Variants in FRAS1 observed in about 807,000 individuals in gnomAD.
FRAS1 encodes Fraser extracellular matrix complex subunit 1, also known as extracellular matrix organizing protein FRAS1.
In FRAS1, 290 loss-of-function variants were observed where a neutral mutation model predicts 435.2. The ratio of observed to expected loss-of-function variants is 0.67; its 90% CI spans 0.61 to 0.73. The LOEUF is 0.73. FRAS1 is among the 30% of genes least tolerant of loss of function. The pLI is 0.00. For missense variants in FRAS1, 4,860 were observed against 5,001.5 expected (o/e 0.97, Z 0.85); for synonymous variants, 1,800 against 1,851.0 (o/e 0.97, Z 0.71).
rs762909923 is a variant in FRAS1 at position 78,065,081 on chromosome 4, T to TATATACACACACACAC, written c.77-901_77-900insTACACACACACACATA. Among the ~76,000 whole-genome samples, 189 of 125,688 alleles carry TATATACACACACACAC rather than the reference T, an allele frequency of 1.5e-3. 2 individuals are homozygous for TATATACACACACACAC. The East Asian group carries it at 0.038, about 25-fold the overall frequency. The allele number at this position is 125,688 out of a possible 152,430, so 82.5% of individuals were successfully genotyped here. A position where few individuals can be genotyped will look rare whatever the true frequency, so the allele number is the denominator to read the frequency against. ...GTGTATATATATATATATATATATA[T>TATATACACACACACAC]ATACATACACACACACACACTAAAT... On this transcript the variant is annotated intron_variant, in intron 1 of 73. Transcript: ENST00000512123.
intron 2 of FRAS1, among the ~76,000 whole-genome samples, chr4:78,206,208 G>C (rs1215960976): frequency 6.6e-6 from 1 of 152,032 alleles, no homozygotes; most frequent in African/African-American, 2.4e-5. Context: ...GGGTCCTTTT[G>C]GGAGGGTGGC....
chr4:78,332,672 C>A (rs2110257997), intron 18 of FRAS1, among the ~76,000 whole-genome samples: 1 of 152,210 alleles, frequency 6.6e-6, no homozygotes, highest in East Asian at 1.9e-4. Flanking sequence ...TAGTCAAAGT[C>A]ACATAGAGCT....
chr4:78,101,519 G>T (rs769010066), intron 2 of FRAS1, among the ~76,000 whole-genome samples: 4 of 152,080 alleles, frequency 2.6e-5, no homozygotes, highest in Non-Finnish European at 5.9e-5. Flanking sequence ...TTCAAAGTGA[G>T]AGTGTATTTT....
chr4:78,139,256 T>C (rs1720057007), intron 2 of FRAS1, among the ~76,000 whole-genome samples: 1 of 152,102 alleles, frequency 6.6e-6, no homozygotes, highest in Non-Finnish European at 1.5e-5. Flanking sequence ...GATGTGACAG[T>C]ATAAGAAGCA....
chr4:78,439,474 G>GT (rs1734567676), intron 40 of FRAS1, among the ~76,000 whole-genome samples: 1 of 152,086 alleles, frequency 6.6e-6, no homozygotes, highest in Non-Finnish European at 1.5e-5. Flanking sequence ...GTTCCTTTGT[G>GT]GGCAGAGCAA....
intron 19 of FRAS1, among the ~76,000 whole-genome samples, chr4:78,335,318 C>G (rs114856896): frequency 6.6e-6 from 1 of 152,190 alleles, no homozygotes; most frequent in Non-Finnish European, 1.5e-5. Flanking sequence ...CAATCTCTTA[C>G]TCTATGAGGC....
chr4:78,426,759 C>T (rs1734012425), intron 35 of FRAS1, among the ~76,000 whole-genome samples: 2 of 152,244 alleles, frequency 1.3e-5, no homozygotes, highest in African/African-American at 4.8e-5. Context: ...AAATTAGAGA[C>T]ATTCCTTAAA....
Position 78,411,174 on chromosome 4 carries a change from G to A in FRAS1, c.4309-1795G>A, listed in dbSNP as rs188319815. Reference sequence around the variant, plus strand: ...TGCCCAGGCTGGAGTACAGTGGTGCGATCTTGGCTCACTGCAACCTCCACC... The same window carrying A: ...TGCCCAGGCTGGAGTACAGTGGTGCAATCTTGGCTCACTGCAACCTCCACC... On this transcript the variant is annotated intron_variant, in intron 31 of 73. Transcript: ENST00000512123. Among the ~76,000 whole-genome samples, 181 of 149,032 alleles carry A rather than the reference G, an allele frequency of 1.2e-3. 1 individual carries two copies. The highest frequency in any genetic ancestry group is 4.2e-3 in the African/African-American group (168 of 40,362).
Position 78,389,964 on chromosome 4 carries a change from G to T in FRAS1, c.3975+2263G>T, listed in dbSNP as rs1027884977. On this transcript the variant is annotated intron_variant, in intron 29 of 73. Coordinates refer to ENST00000512123, the MANE Select transcript of FRAS1 (RefSeq NM_025074.7). ...TGTGATACCTGAAAAGTGAATTTAA[G>T]TTGTGCTCTGGGCCCCTTTTCATCC... Among the ~76,000 whole-genome samples, 13 of 152,260 alleles carry T rather than the reference G, an allele frequency of 8.5e-5. No individual in the cohort carries two copies. The East Asian group carries it at 1.3e-3, about 16-fold the overall frequency.
At chr4:78,225,064 A>ACAGGT (rs1336879616) in intron 2 of FRAS1, among the ~76,000 whole-genome samples, 1 of 152,112 alleles carries the variant, frequency 6.6e-6, no homozygotes, top group Non-Finnish European at 1.5e-5. Flanking sequence ...TCTCTGAGAA[A>ACAGGT]CAGGTCATAT....
chr4:78,116,505 TG>T (rs1209237284), intron 2 of FRAS1, among the ~76,000 whole-genome samples: 1 of 152,222 alleles, frequency 6.6e-6, no homozygotes, highest in African/African-American at 2.4e-5. Context: ...TTTATGAATC[TG>T]GGTGCTCCTG....
intron 67 of FRAS1, among the ~76,000 whole-genome samples, chr4:78,521,266 G>T (rs558344731): frequency 3.0e-4 from 45 of 151,816 alleles, no homozygotes; most frequent in Admixed American, 7.2e-4. Flanking sequence ...CTGCATCTGG[G>T]TTAAGTGGAA....
chr4:78,342,111 G>C (rs896548473), intron 20 of FRAS1, among the ~76,000 whole-genome samples: 1 of 152,154 alleles, frequency 6.6e-6, no homozygotes, highest in Non-Finnish European at 1.5e-5. Context: ...TATCCTCTCC[G>C]TGTCCTTGGG....
intron 27 of FRAS1, among the ~76,000 whole-genome samples, chr4:78,381,437 A>T (rs1415967295): frequency 6.6e-6 from 1 of 152,150 alleles, no homozygotes; most frequent in African/African-American, 2.4e-5. Context: ...CTACAGGCAC[A>T]TGCCACCATA....
intron 2 of FRAS1, among the ~76,000 whole-genome samples, chr4:78,216,915 A>T (rs563249186): frequency 3.4e-4 from 52 of 152,266 alleles, no homozygotes; most frequent in Admixed American, 1.4e-3. Context: ...GACCAATATG[A>T]CTAAGGACAC....
chr4:78,184,404 G>A (rs1722183113), intron 2 of FRAS1, among the ~76,000 whole-genome samples: 1 of 152,038 alleles, frequency 6.6e-6, no homozygotes, highest in South Asian at 2.1e-4. Context: ...ATTCTCATGT[G>A]ATACAAAATA....
chr4:78,434,513 C>G (rs1469843460), intron 38 of FRAS1, among the ~76,000 whole-genome samples: 1 of 151,818 alleles, frequency 6.6e-6, no homozygotes, highest in Non-Finnish European at 1.5e-5. Context: ...ATGAACCAGC[C>G]AAAAATAAAA....
Position 78,474,994 on chromosome 4 carries a change from A to C in FRAS1, c.7683-444A>C, listed in dbSNP as rs1481743069. 2.6e-5 allele frequency among the ~76,000 whole-genome samples: 4 copies of C among 152,212 alleles called. No individual in the cohort carries two copies. The East Asian group carries it at 5.8e-4, about 22-fold the overall frequency. ...TTACCTCTGCTTCTGCTCTGACTCC[A>C]TCACACAGTTCCTGGAGATCTGGTC... On this transcript the variant is annotated intron_variant, in intron 53 of 73. Coordinates refer to ENST00000512123, the MANE Select transcript of FRAS1 (RefSeq NM_025074.7).
chr4:78,150,436 A>G (rs989600224), intron 2 of FRAS1, among the ~76,000 whole-genome samples: 1 of 152,206 alleles, frequency 6.6e-6, no homozygotes, highest in Non-Finnish European at 1.5e-5. Flanking sequence ...TTGGAAAACA[A>G]CAGTCTAGAC....
Sources: allele counts gnomAD v4.1 joint callset (sites outside exome capture counted in the v4.1 genomes callset), GRCh38; gene constraint gnomAD v4.1.1; transcripts MANE v1.5; gene names NCBI Gene and HGNC (gene_info 2026-07-23, HGNC 2026-07-21).